Variants in PDE10A observed in about 807,000 individuals in gnomAD.
PDE10A encodes cAMP and cAMP-inhibited cGMP 3',5'-cyclic phosphodiesterase 10A.
Under a neutral mutation model 97.7 loss-of-function variants are expected in PDE10A, and 39 were observed. The observed-to-expected ratio is 0.40, with a 90% confidence interval of 0.31 to 0.52. PDE10A has a LOEUF of 0.52. PDE10A is among the 20% of genes least tolerant of loss of function. The probability of loss-of-function intolerance (pLI) is 0.56; values close to 1 mark genes in which losing one functional copy is unlikely to be tolerated. For synonymous variants in PDE10A, 371 were observed against 376.8 expected (o/e 0.98, Z 0.18); for missense variants, 731 against 1,047.8 (o/e 0.70, Z 4.17).
chr6:165,345,376 A>G (rs114700112), intron 18 of PDE10A, among the ~76,000 whole-genome samples: 2,076 of 152,338 alleles, frequency 0.014, 41 homozygotes, highest in African/African-American at 0.047. Flanking sequence ...AAAATAAAAC[A>G]GATTAGAAAT....
At chr6:165,434,156 T>C (rs481181) in intron 6 of PDE10A, among the ~76,000 whole-genome samples, 1,552 of 151,926 alleles carry the variant, frequency 0.01, 22 homozygotes, top group African/African-American at 0.035. Flanking sequence ...ATAGTGTAAC[T>C]CTGTACTTGT....
intron 1 of PDE10A, among the ~76,000 whole-genome samples, chr6:165,768,634 T>A (rs985132542): frequency 5.3e-5 from 8 of 152,262 alleles, no homozygotes; most frequent in Non-Finnish European, 7.4e-5. Flanking sequence ...GTATCATATA[T>A]TTTTTAAAAA....
At chr6:165,801,244 C>T (rs1778980120) in intron 1 of PDE10A, among the ~76,000 whole-genome samples, 1 of 152,204 alleles carries the variant, frequency 6.6e-6, no homozygotes. Flanking sequence ...TTTGCCTTGG[C>T]TTAAGAATTC....
intron 2 of PDE10A, among the ~76,000 whole-genome samples, chr6:165,521,521 T>A (rs1301939330): frequency 6.6e-6 from 1 of 152,118 alleles, no homozygotes; most frequent in African/African-American, 2.4e-5. Context: ...AATTATAAGT[T>A]CTACTCCAGT....
At chr6:165,605,379 C>A (rs1403530669) in intron 1 of PDE10A, among the ~76,000 whole-genome samples, 1 of 152,238 alleles carries the variant, frequency 6.6e-6, no homozygotes, top group Non-Finnish European at 1.5e-5. Context: ...GGCACCTGCA[C>A]AGCACTTCTC....
At chr6:165,763,949 C>T (rs1468441057) in intron 1 of PDE10A, among the ~76,000 whole-genome samples, 1 of 152,156 alleles carries the variant, frequency 6.6e-6, no homozygotes, top group Non-Finnish European at 1.5e-5. Flanking sequence ...TTATTATTAT[C>T]CCCATTTTGT....
intron 2 of PDE10A, among the ~76,000 whole-genome samples, chr6:165,506,147 T>G (rs370885414): frequency 1.3e-5 from 2 of 152,118 alleles, no homozygotes; most frequent in Admixed American, 1.3e-4. Context: ...CCCACTAAAA[T>G]GGCACTGTAC....
chr6:165,624,097 C>T (rs978655305), intron 1 of PDE10A, among the ~76,000 whole-genome samples: 3 of 152,202 alleles, frequency 2.0e-5, no homozygotes, highest in East Asian at 1.9e-4. Context: ...TCTTCCTTAA[C>T]GTCCCCTTCT....
intron 1 of PDE10A, among the ~76,000 whole-genome samples, chr6:165,753,731 C>A (rs1222086091): frequency 6.6e-6 from 1 of 152,004 alleles, no homozygotes; most frequent in African/African-American, 2.4e-5. Context: ...ATTTAATTCA[C>A]AGAAGTAAAG....
chr6:165,745,142 A>G (rs1342157908), intron 1 of PDE10A, among the ~76,000 whole-genome samples: 1 of 152,214 alleles, frequency 6.6e-6, no homozygotes, highest in Non-Finnish European at 1.5e-5. Context: ...GGCTTCAAGA[A>G]GATAATTTCC....
intron 1 of PDE10A, among the ~76,000 whole-genome samples, chr6:165,927,771 A>C (rs748941814): frequency 2.0e-5 from 3 of 148,080 alleles, no homozygotes; most frequent in Non-Finnish European, 4.5e-5. Context: ...ATCTCGGCTC[A>C]CTGTAACCTC....
At chr6:165,509,918 G>C (rs1044805689) in intron 2 of PDE10A, among the ~76,000 whole-genome samples, 1 of 151,664 alleles carries the variant, frequency 6.6e-6, no homozygotes, top group Non-Finnish European at 1.5e-5. Flanking sequence ...CTGACTTTTT[G>C]ATTTTGTACC....
intron 3 of PDE10A, among the ~76,000 whole-genome samples, chr6:165,468,095 T>C (rs1266965520): frequency 6.6e-6 from 1 of 152,180 alleles, no homozygotes; most frequent in Non-Finnish European, 1.5e-5. Flanking sequence ...ATTTTGTTTT[T>C]TGAGACAGAG....
At chr6:165,366,270 T>C (rs1056900492) in intron 18 of PDE10A, among the ~76,000 whole-genome samples, 20 of 152,174 alleles carry the variant, frequency 1.3e-4, no homozygotes, top group African/African-American at 4.1e-4. Flanking sequence ...ATTCTAGCTA[T>C]GCAGTCAGAT....
chr6:165,481,899 A>G (rs1779623407), intron 3 of PDE10A, among the ~76,000 whole-genome samples: 1 of 152,232 alleles, frequency 6.6e-6, no homozygotes, highest in Non-Finnish European at 1.5e-5. Flanking sequence ...AAAGCCAGCT[A>G]CATGGAGGAC....
At chr6:165,577,833 G>C (rs1425238845) in intron 1 of PDE10A, among the ~76,000 whole-genome samples, 1 of 152,190 alleles carries the variant, frequency 6.6e-6, no homozygotes. Flanking sequence ...GGCTTCCTAG[G>C]ACGGACGGGA....
chr6:165,445,455 C>T (rs1172431655), intron 5 of PDE10A, among the ~76,000 whole-genome samples: 5 of 152,104 alleles, frequency 3.3e-5, no homozygotes, highest in Admixed American at 6.6e-5. Flanking sequence ...GAAAGCCACA[C>T]GGAGATTGAG....
intron 5 of PDE10A, among the ~76,000 whole-genome samples, chr6:165,441,391 C>G (rs565465238): frequency 1.3e-5 from 2 of 152,216 alleles, no homozygotes; most frequent in East Asian, 3.9e-4. Flanking sequence ...AGCAATTTAG[C>G]ACAGTTTTTT....
At chr6:165,770,045 T>C (rs989680551) in intron 1 of PDE10A, among the ~76,000 whole-genome samples, 1 of 152,068 alleles carries the variant, frequency 6.6e-6, no homozygotes, top group Non-Finnish European at 1.5e-5. Flanking sequence ...AGAAAACAGA[T>C]GCTCTGCTCT....
Sources: gnomAD v4.1 joint callset for allele counts (sites outside exome capture counted in the v4.1 genomes callset) on GRCh38, gnomAD v4.1.1 for gene constraint, MANE v1.5 for transcripts, NCBI Gene and HGNC (gene_info 2026-07-23, HGNC 2026-07-21) for gene names.